PCDH11Y: variants seen among roughly 807,000 people sequenced by gnomAD.
The protein encoded by PCDH11Y is protocadherin 11 Y-linked.
For synonymous variants in PCDH11Y, 9 were observed against 83.6 expected (o/e 0.11, Z 4.87); for missense variants, 12 against 224.8 (o/e 0.05, Z 6.05).
intron 2 of PCDH11Y, among the ~76,000 whole-genome samples, chrY:5,193,582 G>A: frequency 3.0e-5 from 1 of 33,368 alleles, no homozygotes; most frequent in Non-Finnish European, 7.4e-5. Flanking sequence ...AAAAAGGCAC[G>A]TCTTAATTTC....
chrY:5,286,320 G>GT (rs2053060356), intron 2 of PCDH11Y, among the ~76,000 whole-genome samples: 1 of 32,135 alleles, frequency 3.1e-5, no homozygotes, highest in Non-Finnish European at 7.6e-5. Context: ...CTCCAACTTT[G>GT]TTTTTTTTAC....
chrY:5,423,292 G>A, intron 2 of PCDH11Y, among the ~76,000 whole-genome samples: 1 of 32,946 alleles, frequency 3.0e-5, no homozygotes, highest in Non-Finnish European at 7.5e-5. Context: ...TGGTGAAGAT[G>A]TGGAGATAAT....
chrY:5,553,577 G>A, intron 3 of PCDH11Y, among the ~76,000 whole-genome samples: 1 of 31,812 alleles, frequency 3.1e-5, no homozygotes, highest in Non-Finnish European at 7.7e-5. Context: ...ATCTCATCTC[G>A]AATACCCATG....
intron 2 of PCDH11Y, among the ~76,000 whole-genome samples, chrY:5,316,285 T>C: frequency 3.0e-5 from 1 of 33,557 alleles, no homozygotes; most frequent in Non-Finnish European, 7.4e-5. Context: ...TGAGTTTATC[T>C]GAAGGCCTGG....
At chrY:5,329,984 G>A (rs2053128288) in intron 2 of PCDH11Y, among the ~76,000 whole-genome samples, 2 of 33,644 alleles carry the variant, frequency 5.9e-5, no homozygotes, top group African/African-American at 1.2e-4. Context: ...AATTTCATGC[G>A]CGTCCGTGTG....
chrY:5,431,566 C>T, intron 2 of PCDH11Y, among the ~76,000 whole-genome samples: 1 of 32,889 alleles, frequency 3.0e-5, no homozygotes, highest in East Asian at 8.1e-4. Context: ...ATCTCTTTCT[C>T]TTTCTTTCTC....
At chrY:5,371,547 C>A in intron 2 of PCDH11Y, among the ~76,000 whole-genome samples, 1 of 33,020 alleles carries the variant, frequency 3.0e-5, no homozygotes, top group Non-Finnish European at 7.4e-5. Flanking sequence ...TCTATAAATG[C>A]TACATAGAAT....
intron 2 of PCDH11Y, among the ~76,000 whole-genome samples, chrY:5,355,218 G>A (rs2053164479): frequency 3.6e-5 from 1 of 28,122 alleles, no homozygotes; most frequent in African/African-American, 1.4e-4. Context: ...CCGAGATTGC[G>A]CCATTGCACT....
chrY:5,469,011 G>A, intron 2 of PCDH11Y, among the ~76,000 whole-genome samples: 3 of 29,944 alleles, frequency 1.0e-4, no homozygotes, highest in Non-Finnish European at 1.6e-4. Context: ...GGGGCCTTTG[G>A]GAGGTGATTA....
intron 2 of PCDH11Y, among the ~76,000 whole-genome samples, chrY:5,267,293 CT>C (rs2053028610): frequency 4.0e-5 from 1 of 25,290 alleles, no homozygotes; most frequent in Non-Finnish European, 9.0e-5. Context: ...CAACCTACAC[CT>C]CCCGGGTTCA....
At chrY:5,205,557 TA>T (rs2052930934) in intron 2 of PCDH11Y, among the ~76,000 whole-genome samples, 1 of 24,387 alleles carries the variant, frequency 4.1e-5, no homozygotes, top group East Asian at 9.4e-4. Flanking sequence ...TATATATATA[TA>T]CACTGAATAT....
intron 2 of PCDH11Y, among the ~76,000 whole-genome samples, chrY:5,291,314 A>G: frequency 5.9e-5 from 2 of 33,738 alleles, no homozygotes; most frequent in Non-Finnish European, 1.5e-4. Context: ...TATCAGTTCT[A>G]ATTGTTATTC....
At chrY:5,689,774 A>G (rs2124710657) in intron 4 of PCDH11Y, among the ~76,000 whole-genome samples, 1 of 22,568 alleles carries the variant, frequency 4.4e-5, no homozygotes, top group South Asian at 1.2e-3. Context: ...AGAGAAGATA[A>G]TTTTTTAAAT....
At chrY:5,259,684 T>G in intron 2 of PCDH11Y, among the ~76,000 whole-genome samples, 1 of 33,254 alleles carries the variant, frequency 3.0e-5, no homozygotes, top group South Asian at 6.6e-4. Flanking sequence ...TTTGAGTGGT[T>G]AATTGTTTAG....
intron 2 of PCDH11Y, among the ~76,000 whole-genome samples, chrY:5,183,410 G>A: frequency 3.0e-5 from 1 of 33,007 alleles, no homozygotes. Flanking sequence ...TGAATACTGT[G>A]GACCACAGCT....
intron 1 of PCDH11Y, among the ~76,000 whole-genome samples, chrY:5,095,503 T>C: frequency 3.0e-5 from 1 of 32,861 alleles, no homozygotes; most frequent in Non-Finnish European, 7.6e-5. Context: ...TTAAGTGCCA[T>C]GGATTTTATG....
chrY:5,664,583 G>A (rs2053543286), intron 4 of PCDH11Y, among the ~76,000 whole-genome samples: 1 of 30,806 alleles, frequency 3.2e-5, no homozygotes, highest in Admixed American at 3.0e-4. Flanking sequence ...CATTGACTTC[G>A]AAGGTTAAAT....
At chrY:5,273,492 G>A in intron 2 of PCDH11Y, among the ~76,000 whole-genome samples, 2 of 33,696 alleles carry the variant, frequency 5.9e-5, no homozygotes, top group African/African-American at 1.2e-4. Context: ...GGTTCAGAAA[G>A]GTGGGAAAAC....
intron 2 of PCDH11Y, among the ~76,000 whole-genome samples, chrY:5,435,686 T>C: frequency 3.0e-5 from 1 of 33,144 alleles, no homozygotes; most frequent in Non-Finnish European, 7.4e-5. Flanking sequence ...ATAAAAACCT[T>C]GTGGAAGGTT....
Sources: gnomAD v4.1 joint callset for allele counts (sites outside exome capture counted in the v4.1 genomes callset) on GRCh38, gnomAD v4.1.1 for gene constraint, MANE v1.5 for transcripts, NCBI Gene and HGNC (gene_info 2026-07-23, HGNC 2026-07-21) for gene names.